The following PTPRD variants were observed in gnomAD, a reference collection of about 807,000 sequenced individuals.
PTPRD encodes the protein receptor-type tyrosine-protein phosphatase delta.
Under a neutral mutation model 214.5 loss-of-function variants are expected in PTPRD, and 34 were observed. The observed-to-expected ratio is 0.16, with a 90% CI of 0.12 to 0.21. The LOEUF is 0.21. PTPRD is among the 10% of genes least tolerant of loss of function. The probability of loss-of-function intolerance (pLI) is 1.00; values close to 1 mark genes in which losing one functional copy is unlikely to be tolerated. For missense variants in PTPRD, 2,545 were observed against 2,398.7 expected, an observed-to-expected ratio of 1.06 and a Z score of -1.27; for synonymous variants, 1,128 against 845.7, an observed-to-expected ratio of 1.33 and a Z score of -5.79.
chr9:8,477,936 C>G (rs886197392), intron 30 of PTPRD, among the ~76,000 whole-genome samples: 1 of 152,200 alleles, frequency 6.6e-6, no homozygotes, highest in Non-Finnish European at 1.5e-5. Context: ...GTATTGCCAG[C>G]TGGGGCAAGT....
chr9:9,105,243 A>G (rs1402459439), intron 10 of PTPRD, among the ~76,000 whole-genome samples: 1 of 152,222 alleles, frequency 6.6e-6, no homozygotes, highest in Non-Finnish European at 1.5e-5. Flanking sequence ...GCCTTATTCA[A>G]CTCCAAAGCT....
intron 4 of PTPRD, among the ~76,000 whole-genome samples, chr9:10,027,997 T>C (rs2096962878): frequency 6.6e-6 from 1 of 152,158 alleles, no homozygotes. Flanking sequence ...CATTGATGGG[T>C]CATATGGTTT....
intron 3 of PTPRD, among the ~76,000 whole-genome samples, chr9:10,121,911 T>A (rs1157873694): frequency 3.3e-5 from 5 of 152,134 alleles, no homozygotes; most frequent in Non-Finnish European, 7.4e-5. Flanking sequence ...CAATTTCACC[T>A]CCTTCCTGCA....
chr9:9,502,236 C>A (rs1273748198), intron 8 of PTPRD, among the ~76,000 whole-genome samples: 1 of 151,890 alleles, frequency 6.6e-6, no homozygotes, highest in South Asian at 2.1e-4. Flanking sequence ...TCTGGCATAA[C>A]TGAAACTTTT....
rs149527603 is a variant in PTPRD, at chr9:10,108,932, G to T, written c.-544-75142C>A. ...AATATAATACTATACTCAGCCTATT[G>T]TTGAGAAAGTCCTTTCCAGATTCCC... On this transcript the variant is annotated intron_variant, in intron 3 of 45. Transcript: ENST00000381196. 2.1e-3 allele frequency among the ~76,000 whole-genome samples: 320 copies of T among 151,354 alleles called. 1 individual carries two copies. The highest frequency in any genetic ancestry group is 0.015 in the South Asian group (71 of 4,776).
chr9:9,448,305 G>C (rs969498912), intron 8 of PTPRD, among the ~76,000 whole-genome samples: 1 of 152,064 alleles, frequency 6.6e-6, no homozygotes, highest in African/African-American at 2.4e-5. Context: ...CACACGAGGA[G>C]GGAGGGACCT....
At chr9:8,521,611 A>AT (rs1302082787) in intron 19 of PTPRD, 65 bp from the exon 20 acceptor site, 1 of 1,543,166 alleles carries the variant, frequency 6.5e-7, no homozygotes, top group Non-Finnish European at 8.8e-7. Context: ...TATTAAACAC[A>AT]TGACATGCAC....
intron 9 of PTPRD, among the ~76,000 whole-genome samples, chr9:9,366,487 G>C (rs1328340261): frequency 6.6e-6 from 1 of 151,526 alleles, no homozygotes; most frequent in Non-Finnish European, 1.5e-5. Context: ...TGCCAAGTGA[G>C]ATTACTGAAA....
chr9:10,321,214 A>G (rs1331441401), intron 3 of PTPRD, among the ~76,000 whole-genome samples: 1 of 152,082 alleles, frequency 6.6e-6, no homozygotes. Context: ...AAGGGGAAAA[A>G]AAACAATGAG....
Position 9,057,146 on chromosome 9 carries a change from G to T in PTPRD, c.-142-38411C>A, listed in dbSNP as rs180788267. Among the ~76,000 whole-genome samples the T allele has an allele frequency of 1.4e-3, 213 of 152,172 alleles. 2 individuals are homozygous for T. The highest frequency in any genetic ancestry group is 4.9e-3 in the African/African-American group (204 of 41,522). On this transcript the variant is annotated intron_variant, in intron 10 of 45. Transcript: ENST00000381196. ...CATTATAGATAATAATCTGATTGCA[G>T]GAAACAGAAGATCACCTTCTCTAAT...
intron 11 of PTPRD, among the ~76,000 whole-genome samples, chr9:8,779,840 A>G (rs1022819671): frequency 7.1e-6 from 1 of 140,078 alleles, no homozygotes. Context: ...TTTTGGTCCT[A>G]AGGATACTCC....
chr9:10,345,620 T>C (rs531874697), intron 2 of PTPRD, among the ~76,000 whole-genome samples: 116 of 152,356 alleles, frequency 7.6e-4, no homozygotes, highest in African/African-American at 2.7e-3. Context: ...CTACACAGTA[T>C]TCCACGGTGT....
At chr9:8,934,421 G>GTGTGTGTGTGTATA (rs1306403766) in intron 11 of PTPRD, among the ~76,000 whole-genome samples, 1 of 27,338 alleles carries the variant, frequency 3.7e-5, no homozygotes, top group Non-Finnish European at 6.1e-5. Flanking sequence ...GTGTGTGTGT[G>GTGTGTGTGTGTATA]TATATATATA....
At chr9:8,548,986 C>T (rs765538615) in intron 14 of PTPRD, among the ~76,000 whole-genome samples, 10 of 152,000 alleles carry the variant, frequency 6.6e-5, no homozygotes, top group Non-Finnish European at 1.0e-4. Context: ...CCACCGTGCC[C>T]GGGCCACAGC....
At position 9,273,729 on chromosome 9, in the gene PTPRD, T is replaced by C. The variant is rs190104770; in HGVS notation, c.-202-90366A>G. ...TAGCTCTGAGTGACTCCACATGGAT[T>C]GACATTTGAGCTGTCAGCTAATGAT... is the stretch of plus-strand genomic sequence containing the variant. On this transcript the variant is annotated intron_variant, in intron 9 of 45. Transcript: ENST00000381196. Among the ~76,000 whole-genome samples, 78 of 151,404 alleles carry C rather than the reference T, an allele frequency of 5.2e-4. 1 individual carries two copies. The East Asian group carries it at 6.5e-3, about 13-fold the overall frequency.
chr9:9,290,035 C>T (rs1397764786), intron 9 of PTPRD, among the ~76,000 whole-genome samples: 2 of 151,774 alleles, frequency 1.3e-5, no homozygotes, highest in Non-Finnish European at 2.9e-5. Context: ...AGCCTTCATA[C>T]TGTTTTCCAT....
intron 2 of PTPRD, among the ~76,000 whole-genome samples, chr9:10,586,707 A>C (rs2074000515): frequency 6.6e-6 from 1 of 152,118 alleles, no homozygotes; most frequent in African/African-American, 2.4e-5. Context: ...TACTATCTAG[A>C]AAAGTGTAAG....
intron 3 of PTPRD, among the ~76,000 whole-genome samples, chr9:10,195,217 A>C (rs528478931): frequency 2.0e-4 from 30 of 151,488 alleles, no homozygotes; most frequent in African/African-American, 7.0e-4. Flanking sequence ...ACGGAAGGGA[A>C]TATTGTACAA....
At chr9:10,480,283 A>C (rs1263572495) in intron 2 of PTPRD, among the ~76,000 whole-genome samples, 1 of 152,222 alleles carries the variant, frequency 6.6e-6, no homozygotes, top group Non-Finnish European at 1.5e-5. Context: ...TGAGGGTCAC[A>C]AGTTCTATCC....
Sources: allele counts gnomAD v4.1 joint callset (sites outside exome capture counted in the v4.1 genomes callset), GRCh38; gene constraint gnomAD v4.1.1; transcripts MANE v1.5; gene names NCBI Gene and HGNC (gene_info 2026-07-23, HGNC 2026-07-21).